The following BMPR1B variants were observed in gnomAD, a reference collection of about 807,000 sequenced individuals.
BMPR1B encodes the protein bone morphogenetic protein receptor type-1B.
A neutral mutation model predicts 59.1 loss-of-function variants in BMPR1B; 12 were observed. That is an observed-to-expected ratio of 0.20 (90% CI 0.13 to 0.33). The LOEUF is 0.33. Among genes scored for constraint, BMPR1B ranks in the 10% least tolerant of loss-of-function variants. The pLI is 1.00. For missense variants in BMPR1B, 550 were observed against 610.9 expected (o/e 0.90, Z 1.05); for synonymous variants, 237 against 207.3 (o/e 1.14, Z -1.23).
At chr4:94,785,683 T>A (rs184160264) in intron 1 of BMPR1B, among the ~76,000 whole-genome samples, 27 of 152,236 alleles carry the variant, frequency 1.8e-4, no homozygotes, top group Admixed American at 3.3e-4. Flanking sequence ...TCATTCCACA[T>A]TCACAGAGAA....
At chr4:94,833,277 T>C (rs1455613788) in intron 1 of BMPR1B, among the ~76,000 whole-genome samples, 1 of 151,830 alleles carries the variant, frequency 6.6e-6, no homozygotes, top group Non-Finnish European at 1.5e-5. Flanking sequence ...TAATACAAAG[T>C]GCCTACCATA....
rs192944319 is a variant in BMPR1B at position 94,797,339 on chromosome 4, G to C, written c.-183+39271G>C. Among the ~76,000 whole-genome samples the C allele has an allele frequency of 3.0e-4, 45 of 152,286 alleles. No homozygotes were observed. In the East Asian group the frequency reaches 8.3e-3, roughly 28 times the overall value. ...AGAGCCAAACCATATCAATGTGTAA[G>C]AGAGAAATATAACTTAGTTCAAATA... On this transcript the variant is annotated intron_variant, in intron 1 of 12. Coordinates refer to ENST00000515059, the MANE Select transcript of BMPR1B (RefSeq NM_001203.3).
At chr4:95,067,109 A>G (rs1267391363) in intron 3 of BMPR1B, among the ~76,000 whole-genome samples, 1 of 152,114 alleles carries the variant, frequency 6.6e-6, no homozygotes, top group African/African-American at 2.4e-5. Flanking sequence ...AGAACTTTGG[A>G]ATTTTCAAAC....
intron 2 of BMPR1B, among the ~76,000 whole-genome samples, chr4:94,926,474 A>G (rs569799263): frequency 5.6e-4 from 85 of 152,124 alleles, no homozygotes; most frequent in Non-Finnish European, 1.1e-3. Context: ...GCCAAGCACA[A>G]TATTAGCTTA....
In BMPR1B at chr4:95,143,525, G is replaced by A. The variant is rs551076272; in HGVS notation, c.1077-5223G>A. On this transcript the variant is annotated intron_variant, in intron 10 of 12. Transcript: ENST00000515059. ...CCATAACCTACAGAACTGTCACTTT[G>A]TTAGTGTCTTCCCTGGGGTAGAAGA... 3.9e-5 allele frequency among the ~76,000 whole-genome samples: 6 copies of A among 152,166 alleles called. No homozygotes were observed. The East Asian group carries it at 9.7e-4, about 25-fold the overall frequency.
chr4:95,030,495 A>G (rs1182315085), intron 3 of BMPR1B, among the ~76,000 whole-genome samples: 2 of 152,080 alleles, frequency 1.3e-5, no homozygotes, highest in African/African-American at 4.8e-5. Flanking sequence ...CTCCTATTCA[A>G]CATAGTGTTG....
intron 1 of BMPR1B, among the ~76,000 whole-genome samples, chr4:94,802,978 T>C (rs1364799506): frequency 6.6e-6 from 1 of 152,172 alleles, no homozygotes; most frequent in Non-Finnish European, 1.5e-5. Flanking sequence ...TTGTGCTCAC[T>C]GTTCCTCACC....
chr4:95,054,339 C>T (rs1445817861), intron 3 of BMPR1B, among the ~76,000 whole-genome samples: 1 of 152,092 alleles, frequency 6.6e-6, no homozygotes, highest in African/African-American at 2.4e-5. Context: ...CACTGCCTAG[C>T]TATTACCTTA....
intron 1 of BMPR1B, among the ~76,000 whole-genome samples, chr4:94,795,559 G>A (rs1287871884): frequency 1.3e-5 from 2 of 152,090 alleles, no homozygotes; most frequent in Non-Finnish European, 2.9e-5. Flanking sequence ...CTGCCTTCGG[G>A]TTCAAGCGAT....
intron 3 of BMPR1B, among the ~76,000 whole-genome samples, chr4:95,082,128 C>A (rs1244718105): frequency 2.9e-5 from 3 of 104,288 alleles, no homozygotes; most frequent in African/African-American, 1.1e-4. Flanking sequence ...TGCTATCCCT[C>A]CCCCCTCCCC....
In BMPR1B at chr4:94,955,702, T is replaced by C. The variant is rs902389260; in HGVS notation, c.-112-40338T>C. Among the ~76,000 whole-genome samples, 4 of 111,100 alleles carry C rather than the reference T, an allele frequency of 3.6e-5. No homozygotes were observed. The South Asian group carries it at 1.4e-3, about 39-fold the overall frequency. 72.9% of individuals were successfully genotyped at this position (111,100 alleles called of 152,430 possible). On this transcript the variant is annotated intron_variant, in intron 2 of 12. Transcript: ENST00000515059. ...TGGAGTGCAGTGGCACAGTCTCGGC[T>C]CACTGAAGCTCTGCCTCCTGGGTTC... is the stretch of plus-strand genomic sequence containing the variant.
chr4:94,919,038 T>C (rs1277399514), intron 2 of BMPR1B, among the ~76,000 whole-genome samples: 1 of 152,172 alleles, frequency 6.6e-6, no homozygotes, highest in African/African-American at 2.4e-5. Flanking sequence ...AATCCCACAA[T>C]CCCAGCTGTT....
intron 3 of BMPR1B, among the ~76,000 whole-genome samples, chr4:95,033,797 A>G (rs557407629): frequency 6.6e-6 from 1 of 152,260 alleles, no homozygotes; most frequent in South Asian, 2.1e-4. Flanking sequence ...TATCAAAGAT[A>G]GATAAAGAGG....
At chr4:94,902,046 GGTGTGTGTGTGTGTGTGTGT>G (rs34068392) in intron 2 of BMPR1B, among the ~76,000 whole-genome samples, 3 of 119,180 alleles carry the variant, frequency 2.5e-5, no homozygotes, top group African/African-American at 1.2e-4. Flanking sequence ...CAGACTGCAT[GGTGTGTGTGTGTGTGTGTGT>G]GTGTGTGTGT....
At chr4:95,140,827 A>C (rs138559085) in intron 10 of BMPR1B, among the ~76,000 whole-genome samples, 1 of 152,168 alleles carries the variant, frequency 6.6e-6, no homozygotes, top group African/African-American at 2.4e-5. Flanking sequence ...CATCTCCTTT[A>C]TAGACCTTAA....
chr4:95,140,185 T>A (rs1362487828), intron 10 of BMPR1B, among the ~76,000 whole-genome samples: 2 of 152,304 alleles, frequency 1.3e-5, no homozygotes, highest in South Asian at 2.1e-4. Flanking sequence ...TCATTCCCAA[T>A]GGAAAGTAAG....
intron 3 of BMPR1B, among the ~76,000 whole-genome samples, chr4:95,020,514 G>A (rs1292980110): frequency 6.6e-6 from 1 of 151,382 alleles, no homozygotes; most frequent in Non-Finnish European, 1.5e-5. Flanking sequence ...GGGAGGCAGA[G>A]GTTGCAGTGA....
intron 2 of BMPR1B, among the ~76,000 whole-genome samples, chr4:94,943,408 G>A (rs112077985): frequency 0.02 from 2,973 of 152,300 alleles, 96 homozygotes; most frequent in African/African-American, 0.067. Flanking sequence ...ACAGGCGTGA[G>A]CCACCGTGTC....
intron 1 of BMPR1B, among the ~76,000 whole-genome samples, chr4:94,858,359 A>T (rs1270494340): frequency 1.3e-5 from 2 of 152,232 alleles, no homozygotes; most frequent in South Asian, 4.1e-4. Context: ...TGCTTTTGTT[A>T]TAAAAATATA....
Sources: gnomAD v4.1 joint callset for allele counts (sites outside exome capture counted in the v4.1 genomes callset) on GRCh38, gnomAD v4.1.1 for gene constraint, MANE v1.5 for transcripts, NCBI Gene and HGNC (gene_info 2026-07-23, HGNC 2026-07-21) for gene names.